PLSCR1: variants seen among roughly 807,000 people sequenced by gnomAD.
The protein encoded by PLSCR1 is PL scramblase 1.
A neutral mutation model predicts 37.8 loss-of-function variants in PLSCR1; 17 were observed. The ratio of observed to expected loss-of-function variants is 0.45; its 90% CI spans 0.31 to 0.68. PLSCR1 has a LOEUF of 0.68. Ranked by LOEUF, PLSCR1 falls within the 30% of genes least tolerant of loss-of-function variation. The pLI, the probability that PLSCR1 is intolerant of heterozygous loss-of-function variation, is 0.06. For missense variants in PLSCR1, 347 were observed against 380.9 expected (o/e 0.91, Z 0.74); for synonymous variants, 116 against 125.9 (o/e 0.92, Z 0.53).
At chr3:146,537,717 A>T (rs1474716705) in intron 1 of PLSCR1, among the ~76,000 whole-genome samples, 1 of 152,066 alleles carries the variant, frequency 6.6e-6, no homozygotes, top group African/African-American at 2.4e-5. Flanking sequence ...CTACTAAAAA[A>T]AAATTAGCCA....
At chr3:146,537,334 G>T (rs796635899) in intron 1 of PLSCR1, among the ~76,000 whole-genome samples, 1 of 151,992 alleles carries the variant, frequency 6.6e-6, no homozygotes, top group African/African-American at 2.4e-5. Context: ...TGTAGATCCC[G>T]ATGCCCTTCA....
chr3:146,516,991 T>C lies in PLSCR1; in HGVS notation c.900+15A>G. 6.7e-7 allele frequency: 1 copy of C among 1,499,906 alleles called. No individual in the cohort carries two copies. Among genetic ancestry groups the C allele is most frequent in the Non-Finnish European group, 9.0e-7 (1 of 1,108,700 alleles). The allele number at this position is 1,499,906 out of a possible 1,614,324, so 92.9% of individuals were successfully genotyped here. On this transcript the variant is annotated intron_variant, in intron 8 of 8. Coordinates refer to ENST00000342435, the MANE Select transcript of PLSCR1 (RefSeq NM_021105.3). ...AGAAAGCATCTATAATCAAGATTAA[T>C]AAGAACAGACTTACAATGAGGAAAC...
intron 1 of PLSCR1, 82 bp from the exon 2 acceptor site, chr3:146,536,647 C>T (rs1560090037): frequency 1.2e-6 from 1 of 808,372 alleles, no homozygotes. Flanking sequence ...TACTCTAAAA[C>T]TACACAGTCA....
Position 146,528,707 on chromosome 3 carries a change from T to C in PLSCR1, c.219A>G (p.Val73=), listed in dbSNP as rs147509085. The change falls in exon 4 of 9, where the codon GTA becomes GTG. Residue 73 remains valine, a synonymous_variant. Coordinates refer to ENST00000342435, the MANE Select transcript of PLSCR1 (RefSeq NM_021105.3). ...CTGCAGCTCCAACTGGCTGATTATA[T>C]ACTGGCTGATTATACACTGGCTGAT... ...VPNQPVYNQP[V]YNQPVGAAGV... is the part of the protein sequence containing the mutation. 1 of 1,606,074 alleles carries C rather than the reference T, an allele frequency of 6.2e-7. No individual in the cohort carries two copies.
intron 3 of PLSCR1, 26 bp downstream of exon 3, chr3:146,533,444 T>A (rs2044225659): frequency 5.7e-6 from 8 of 1,402,626 alleles, no homozygotes; most frequent in Non-Finnish European, 8.0e-6. Flanking sequence ...TAATTTTACT[T>A]TTTCTTCTTT....
At chr3:146,542,837 G>A (rs1192887890) in intron 1 of PLSCR1, among the ~76,000 whole-genome samples, 1 of 151,978 alleles carries the variant, frequency 6.6e-6, no homozygotes, top group Non-Finnish European at 1.5e-5. Flanking sequence ...ATTAATTGAA[G>A]GCATAGAGCA....
intron 7 of PLSCR1, 93 bp downstream of exon 7, chr3:146,521,451 C>T: frequency 1.8e-6 from 2 of 1,083,514 alleles, no homozygotes; most frequent in South Asian, 3.0e-5. Flanking sequence ...CATTGGCACA[C>T]AACACTTATT....
At chr3:146,534,047 G>A (rs2044234030) in intron 2 of PLSCR1, among the ~76,000 whole-genome samples, 1 of 152,024 alleles carries the variant, frequency 6.6e-6, no homozygotes, top group Admixed American at 6.5e-5. Flanking sequence ...CTACACCAAT[G>A]AAGTTGAACC....
Position 146,528,792 on chromosome 3 carries a change from C to T in PLSCR1, c.134G>A (p.Ser45Asn), listed in dbSNP as rs747196307. 2 of 1,613,922 alleles carry T rather than the reference C, an allele frequency of 1.2e-6. No individual in the cohort carries two copies. Among genetic ancestry groups the T allele is most frequent in the African/African-American group, 2.7e-5 (2 of 74,928 alleles). The change falls in exon 4 of 9, where the codon AGC (serine) becomes AAC (asparagine). Residue 45 changes from serine to asparagine, a missense_variant. By Grantham distance (46) the Ser-to-Asn change is conservative (BLOSUM62 1). Coordinates refer to ENST00000342435, the MANE Select transcript of PLSCR1 (RefSeq NM_021105.3). ...ATGGCCGGCTGGTGGGGGTGGGTAGCTGACCTGGGGCCCAGGGTAGCCACT... is the reference window on the plus strand; with the variant it reads ...ATGGCCGGCTGGTGGGGGTGGGTAGTTGACCTGGGGCCCAGGGTAGCCACT... ...GYSGYPGPQV[S>N]YPPPPAGHSG...
In PLSCR1 at chr3:146,525,601, A is replaced by G. The variant is rs1335119631; in HGVS notation, c.355+4T>C. 5 of 1,459,972 alleles carry G rather than the reference A, an allele frequency of 3.4e-6. No homozygotes were observed. The highest frequency in any genetic ancestry group is 4.8e-6 in the Non-Finnish European group (5 of 1,045,562). The allele number at this position is 1,459,972 out of a possible 1,614,324, so 90.4% of individuals were successfully genotyped here. A position where few individuals can be genotyped will look rare whatever the true frequency, so the allele number is the denominator to read the frequency against. ...GAAACAGGATTAAAACAATGAATACATACCTTCCAGAAGTTCAATTTGCTG... is the reference window on the plus strand; with the variant it reads ...GAAACAGGATTAAAACAATGAATACGTACCTTCCAGAAGTTCAATTTGCTG... On this transcript the variant is annotated splice_donor_region_variant and intron_variant, in intron 5 of 8. Coordinates refer to ENST00000342435, the MANE Select transcript of PLSCR1 (RefSeq NM_021105.3).
intron 3 of PLSCR1, 29 bp from the exon 4 acceptor site, chr3:146,528,860 T>C (rs1288055285): frequency 6.5e-6 from 10 of 1,538,270 alleles, no homozygotes; most frequent in Non-Finnish European, 8.9e-6. Flanking sequence ...AAATGATTTG[T>C]AACTGCACCA....
intron 7 of PLSCR1, among the ~76,000 whole-genome samples, chr3:146,520,779 T>G (rs548150296): frequency 6.6e-6 from 1 of 152,232 alleles, no homozygotes; most frequent in Non-Finnish European, 1.5e-5. Flanking sequence ...CCACACATCT[T>G]TAGTAGATTT....
At chr3:146,537,711 T>TA (rs958297452) in intron 1 of PLSCR1, among the ~76,000 whole-genome samples, 7 of 151,142 alleles carry the variant, frequency 4.6e-5, no homozygotes, top group African/African-American at 9.7e-5. Flanking sequence ...CTGTCTCTAC[T>TA]AAAAAAAAAT....
At chr3:146,531,435 C>A (rs2044197152) in intron 3 of PLSCR1, among the ~76,000 whole-genome samples, 1 of 152,270 alleles carries the variant, frequency 6.6e-6, no homozygotes, top group African/African-American at 2.4e-5. Flanking sequence ...TTAAAGATCA[C>A]TGGGGTCAGC....
chr3:146,522,090 T>G (rs968426848), intron 5 of PLSCR1, 37 bp from the exon 6 acceptor site: 1 of 1,131,438 alleles, frequency 8.8e-7, no homozygotes, highest in Non-Finnish European at 1.3e-6. Flanking sequence ...ATCACCTCTA[T>G]GTTAAAAATA....
Position 146,515,903 on chromosome 3 carries a change from C to T in PLSCR1, c.*142G>A. 1.9e-6 allele frequency: 1 copy of T among 530,032 alleles called. No homozygotes were observed. The allele number at this position is 530,032 out of a possible 1,614,324, so 32.8% of individuals were successfully genotyped here. A position where few individuals can be genotyped will look rare whatever the true frequency, so the allele number is the denominator to read the frequency against. ...CAAAAACCTTTATAAATCAGTTATA[C>T]AGAAGATAAACTATAATTTGAAAAG... On this transcript the variant is annotated 3_prime_UTR_variant, in exon 9 of 9. Coordinates refer to ENST00000342435, the MANE Select transcript of PLSCR1 (RefSeq NM_021105.3).
At chr3:146,527,633 T>C (rs969187717) in intron 4 of PLSCR1, among the ~76,000 whole-genome samples, 2 of 152,226 alleles carry the variant, frequency 1.3e-5, no homozygotes, top group African/African-American at 2.4e-5. Flanking sequence ...ACATCCTTTA[T>C]GTATTTTATG....
At chr3:146,540,845 C>T (rs1198013058) in intron 1 of PLSCR1, 1 of 152,022 alleles carries the variant, frequency 6.6e-6, no homozygotes, top group Non-Finnish European at 1.5e-5. Flanking sequence ...TCAAGTAGGC[C>T]AGGGGAACAT....
intron 1 of PLSCR1, among the ~76,000 whole-genome samples, chr3:146,542,236 G>T (rs1014156231): frequency 6.6e-6 from 1 of 152,032 alleles, no homozygotes; most frequent in Non-Finnish European, 1.5e-5. Flanking sequence ...GTTCCCTCCA[G>T]CCCAGGACTT....
Sources: allele counts gnomAD v4.1 joint callset (sites outside exome capture counted in the v4.1 genomes callset), GRCh38; gene constraint gnomAD v4.1.1; transcripts MANE v1.5; gene names NCBI Gene and HGNC (gene_info 2026-07-23, HGNC 2026-07-21).